COMMD10: variants seen among roughly 807,000 people sequenced by gnomAD.
The protein encoded by COMMD10 is COMM domain-containing protein 10.
In COMMD10, 33 loss-of-function variants were observed where a neutral mutation model predicts 28.9. The observed-to-expected ratio is 1.14, with a 90% CI of 0.87 to 1.53. The LOEUF (loss-of-function observed/expected upper bound fraction) is 1.53, where lower values mean the gene tolerates loss of function less well. COMMD10 is among the 40% of genes most tolerant of loss of function. COMMD10 has a pLI of 0.00. For synonymous variants in COMMD10, 110 were observed against 81.7 expected, an observed-to-expected ratio of 1.35 and a Z score of -1.87; for missense variants, 310 against 233.4, an observed-to-expected ratio of 1.33 and a Z score of -2.14.
At chr5:116,229,243 G>T (rs904118268) in intron 5 of COMMD10, among the ~76,000 whole-genome samples, 1 of 149,222 alleles carries the variant, frequency 6.7e-6, no homozygotes, top group African/African-American at 2.6e-5. Flanking sequence ...GGGGCAGACA[G>T]ACACAGTAAT....
At chr5:116,174,553 G>A (rs137872942) in intron 5 of COMMD10, among the ~76,000 whole-genome samples, 10 of 152,244 alleles carry the variant, frequency 6.6e-5, no homozygotes, top group East Asian at 1.9e-4. Context: ...ATTCAGTCAC[G>A]AGATGGTAGT....
chr5:116,275,489 A>G (rs189398797), intron 5 of COMMD10, among the ~76,000 whole-genome samples: 2 of 151,816 alleles, frequency 1.3e-5, no homozygotes, highest in Admixed American at 1.3e-4. Flanking sequence ...AAAGTATGTC[A>G]TTTTGTAACC....
chr5:116,136,696 T>A (rs1237674807), intron 5 of COMMD10, among the ~76,000 whole-genome samples: 1 of 152,216 alleles, frequency 6.6e-6, no homozygotes, highest in African/African-American at 2.4e-5. Flanking sequence ...GAAATCTAAC[T>A]CATTTGAAAT....
intron 5 of COMMD10, among the ~76,000 whole-genome samples, chr5:116,215,669 A>G (rs1408781454): frequency 6.7e-6 from 1 of 148,320 alleles, no homozygotes; most frequent in East Asian, 2.0e-4. Flanking sequence ...CCTGGGCGAC[A>G]GAGTGGGAGT....
intron 5 of COMMD10, among the ~76,000 whole-genome samples, chr5:116,194,672 G>T (rs529568790): frequency 6.6e-6 from 1 of 152,044 alleles, no homozygotes; most frequent in Non-Finnish European, 1.5e-5. Context: ...GATTGAAATG[G>T]TAAGTTAAAA....
intron 5 of COMMD10, among the ~76,000 whole-genome samples, chr5:116,194,104 A>G (rs2112615640): frequency 6.6e-6 from 1 of 152,256 alleles, no homozygotes; most frequent in East Asian, 1.9e-4. Context: ...GAAATTTAAA[A>G]ATTCTTTGAA....
chr5:116,240,519 C>A (rs1449296475), intron 5 of COMMD10, among the ~76,000 whole-genome samples: 4 of 152,180 alleles, frequency 2.6e-5, no homozygotes, highest in Non-Finnish European at 5.9e-5. Context: ...AGGGGGTCAT[C>A]ATTCTCCAAA....
chr5:116,177,257 T>A lies in COMMD10; in HGVS notation c.510+43079T>A, dbSNP rs112166195. Among the ~76,000 whole-genome samples, 299 of 151,964 alleles carry A rather than the reference T, an allele frequency of 2.0e-3. 3 individuals are homozygous for A. The highest frequency in any genetic ancestry group is 6.8e-3 in the African/African-American group (282 of 41,326). On this transcript the variant is annotated intron_variant, in intron 5 of 6. Transcript: ENST00000274458. ...GTGGACCAGAAATAAGCTGGGACAT[T>A]TGGAATGGGTTTTGAGAAAGGAAAG...
intron 4 of COMMD10, among the ~76,000 whole-genome samples, chr5:116,117,489 T>A (rs1005094023): frequency 1.3e-5 from 2 of 152,164 alleles, no homozygotes; most frequent in African/African-American, 4.8e-5. Context: ...TGAGGTAGGG[T>A]CTCGCTCTGT....
chr5:116,269,821 TCTTA>T (rs1382828571), intron 5 of COMMD10, among the ~76,000 whole-genome samples: 8 of 151,786 alleles, frequency 5.3e-5, no homozygotes, highest in East Asian at 1.9e-4. Flanking sequence ...GACTTGCCAG[TCTTA>T]CTTCTCTACC....
chr5:116,279,635 C>CT (rs1177819860), intron 5 of COMMD10, among the ~76,000 whole-genome samples: 2 of 151,770 alleles, frequency 1.3e-5, no homozygotes, highest in Admixed American at 1.3e-4. Flanking sequence ...ACTGGACTAA[C>CT]TTTTTTTATT....
chr5:116,293,036 G>A lies in COMMD10; in HGVS notation c.*547G>A, dbSNP rs1751413449. On this transcript the variant is annotated 3_prime_UTR_variant, in exon 7 of 7. Transcript: ENST00000274458. ...AGTAGTATGGTATCAGTTAATTCCA[G>A]TCTGAGCTTCTCTGTCAACTTCAGT... is the stretch of plus-strand genomic sequence containing the variant. 7.6e-6 allele frequency: 3 copies of A among 397,348 alleles called. No individual in the cohort carries two copies. Among genetic ancestry groups the A allele is most frequent in the Middle Eastern group, 6.3e-4 (1 of 1,576 alleles). 24.6% of individuals were successfully genotyped at this position (397,348 alleles called of 1,614,324 possible). A position where few individuals can be genotyped will look rare whatever the true frequency, so the allele number is the denominator to read the frequency against.
intron 5 of COMMD10, among the ~76,000 whole-genome samples, chr5:116,138,591 T>G (rs1246768057): frequency 6.6e-6 from 1 of 151,830 alleles, no homozygotes. Context: ...ATTTTATTTG[T>G]GCATCTTTTG....
rs374637574 is a variant in COMMD10 at position 116,276,464 on chromosome 5, G to C, written c.511-15053G>C. On this transcript the variant is annotated intron_variant, in intron 5 of 6. Transcript: ENST00000274458. ...TTTGCCAGGTTGGTCTCAAATTCCT[G>C]ACCTCAGGTGATCCACCCACCTCAG... Among the ~76,000 whole-genome samples the C allele has an allele frequency of 1.3e-5, 2 of 151,634 alleles. 1 individual carries two copies. The highest frequency in any genetic ancestry group is 4.9e-5 in the African/African-American group (2 of 41,084).
chr5:116,228,279 C>T (rs1202084590), intron 5 of COMMD10, among the ~76,000 whole-genome samples: 7 of 151,804 alleles, frequency 4.6e-5, no homozygotes, highest in South Asian at 4.2e-4. Context: ...TATAGTGCAA[C>T]GTCAGCCACA....
intron 5 of COMMD10, among the ~76,000 whole-genome samples, chr5:116,234,713 C>G (rs76679371): frequency 7.2e-5 from 11 of 151,986 alleles, no homozygotes; most frequent in Non-Finnish European, 5.9e-5. Context: ...TAGGAACTTC[C>G]GAAAAAATAG....
intron 5 of COMMD10, chr5:116,188,462 T>C (rs1389580906): frequency 6.6e-6 from 1 of 151,476 alleles, no homozygotes; most frequent in Non-Finnish European, 1.5e-5. Context: ...TTAAAAAAAA[T>C]GGAACACTTC....
At chr5:116,269,834 C>G (rs990883039) in intron 5 of COMMD10, among the ~76,000 whole-genome samples, 1 of 151,646 alleles carries the variant, frequency 6.6e-6, no homozygotes, top group African/African-American at 2.4e-5. Context: ...TACTTCTCTA[C>G]CTTTTGTTAG....
chr5:116,127,891 G>A (rs550288256), intron 4 of COMMD10, among the ~76,000 whole-genome samples: 7 of 152,046 alleles, frequency 4.6e-5, no homozygotes, highest in Admixed American at 2.6e-4. Flanking sequence ...AAACCTGCAC[G>A]TTGTGCACAT....
Sources: allele counts gnomAD v4.1 joint callset (sites outside exome capture counted in the v4.1 genomes callset), GRCh38; gene constraint gnomAD v4.1.1; transcripts MANE v1.5; gene names NCBI Gene and HGNC (gene_info 2026-07-23, HGNC 2026-07-21).